ENPP3: variants seen among roughly 807,000 people sequenced by gnomAD.
The protein encoded by ENPP3 is ectonucleotide pyrophosphatase/phosphodiesterase 3.
Under a neutral mutation model 117.8 loss-of-function variants are expected in ENPP3, and 104 were observed. The ratio of observed to expected loss-of-function variants is 0.88; its 90% CI spans 0.75 to 1.04. The LOEUF (loss-of-function observed/expected upper bound fraction) is 1.04, where lower values mean the gene tolerates loss of function less well. Ranked by LOEUF, ENPP3 falls within the 50% of genes least tolerant of loss-of-function variation. The pLI is 0.00. For synonymous variants in ENPP3, 380 were observed against 349.9 expected (o/e 1.09, Z -0.96); for missense variants, 1,026 against 1,051.9 (o/e 0.98, Z 0.34).
intron 7 of ENPP3, among the ~76,000 whole-genome samples, chr6:131,672,488 A>G (rs1778765987): frequency 6.6e-6 from 1 of 152,140 alleles, no homozygotes; most frequent in Non-Finnish European, 1.5e-5. Flanking sequence ...TGTGACTTTA[A>G]ACAAAAACAC....
intron 8 of ENPP3, among the ~76,000 whole-genome samples, chr6:131,674,786 G>T (rs1022096742): frequency 6.6e-6 from 1 of 151,902 alleles, no homozygotes; most frequent in African/African-American, 2.4e-5. Context: ...TGGCCGGGAT[G>T]ATCTCTATCT....
At chr6:131,720,575 A>C (rs1415248473) in intron 17 of ENPP3, among the ~76,000 whole-genome samples, 196 bp downstream of exon 17, 1 of 152,116 alleles carries the variant, frequency 6.6e-6, no homozygotes, top group Non-Finnish European at 1.5e-5. Flanking sequence ...TTTTACTAGT[A>C]ATGATAAACT....
chr6:131,694,934 C>A (rs1779371225), intron 15 of ENPP3, among the ~76,000 whole-genome samples: 1 of 151,448 alleles, frequency 6.6e-6, no homozygotes, highest in Non-Finnish European at 1.5e-5. Context: ...CTCCAACATT[C>A]AGGATCAGGA....
At chr6:131,683,482 C>G (rs1325236768) in intron 12 of ENPP3, among the ~76,000 whole-genome samples, 4 of 151,996 alleles carry the variant, frequency 2.6e-5, no homozygotes, top group Non-Finnish European at 5.9e-5. Context: ...AGCCATGATT[C>G]GTTTATGTAG....
At chr6:131,720,926 A>G (rs538997999) in intron 17 of ENPP3, among the ~76,000 whole-genome samples, 215 of 152,260 alleles carry the variant, frequency 1.4e-3, no homozygotes, top group Non-Finnish European at 2.6e-3. Flanking sequence ...AACCTTTTCT[A>G]TTAGTTAGTT....
chr6:131,656,316 A>T (rs553564135), intron 5 of ENPP3, among the ~76,000 whole-genome samples: 75 of 152,350 alleles, frequency 4.9e-4, no homozygotes, highest in African/African-American at 1.6e-3. Flanking sequence ...TCGGAGAAAT[A>T]AAAATGAAAA....
intron 6 of ENPP3, among the ~76,000 whole-genome samples, chr6:131,670,144 C>T (rs1270510373): frequency 6.6e-6 from 1 of 152,182 alleles, no homozygotes; most frequent in East Asian, 1.9e-4. Context: ...GGAAACTTCC[C>T]TGGTCTAATG....
chr6:131,662,447 G>T (rs1034572328), intron 6 of ENPP3, among the ~76,000 whole-genome samples: 1 of 152,076 alleles, frequency 6.6e-6, no homozygotes, highest in Non-Finnish European at 1.5e-5. Flanking sequence ...TTGCCATGTT[G>T]TCCAGGCTGG....
chr6:131,724,309 T>A (rs184532683), intron 19 of ENPP3, among the ~76,000 whole-genome samples: 107 of 151,484 alleles, frequency 7.1e-4, no homozygotes, highest in Middle Eastern at 3.4e-3. Flanking sequence ...CAAAACGAAT[T>A]CCTTGAAGAG....
At position 131,675,183 on chromosome 6, in the gene ENPP3, A is replaced by T. The variant is rs1180321522; in HGVS notation, c.866A>T (p.Tyr289Phe). ...NGSFPSIYMP[Y>F]NGSVPFEERI... is the part of the protein sequence containing the mutation. ...TCCTTTCCTTCCATATACATGCCTT[A>T]CAACGGGTAGTGAAGCACTTTCAGA... The change falls in exon 9 of 25, where the codon TAC (tyrosine) becomes TTC (phenylalanine). Residue 289 changes from tyrosine (Y) to phenylalanine (F), a missense_variant. Tyr to Phe is a conservative substitution (Grantham distance 22, BLOSUM62 3). Coordinates refer to ENST00000357639, the MANE Select transcript of ENPP3 (RefSeq NM_005021.5). The T allele has an allele frequency of 6.4e-7, 1 of 1,569,790 alleles. No homozygotes were observed. The highest frequency in any genetic ancestry group is 1.1e-5 in the South Asian group (1 of 90,088).
intron 14 of ENPP3, among the ~76,000 whole-genome samples, chr6:131,691,235 T>A (rs2114443872): frequency 6.6e-6 from 1 of 152,232 alleles, no homozygotes; most frequent in Admixed American, 6.5e-5. Context: ...GTGGCAACTT[T>A]TTAAGTTCTG....
chr6:131,669,744 A>G (rs1778700798), intron 6 of ENPP3, among the ~76,000 whole-genome samples: 1 of 151,250 alleles, frequency 6.6e-6, no homozygotes, highest in Admixed American at 6.6e-5. Flanking sequence ...TCCAATCCCC[A>G]TCAGAGAATC....
At chr6:131,676,703 T>C (rs1390220724) in intron 9 of ENPP3, 33 bp from the exon 10 acceptor site, 1 of 1,375,928 alleles carries the variant, frequency 7.3e-7, no homozygotes, top group South Asian at 1.2e-5. Flanking sequence ...ATTTGATTCA[T>C]TTTAAAGAAT....
chr6:131,644,722 G>A (rs1325706507), intron 2 of ENPP3, among the ~76,000 whole-genome samples: 1 of 152,178 alleles, frequency 6.6e-6, no homozygotes, highest in Non-Finnish European at 1.5e-5. Flanking sequence ...AGCTTTAGAG[G>A]TGAAGTCCTG....
intron 23 of ENPP3, 36 bp downstream of exon 23, chr6:131,738,199 C>T: frequency 6.4e-7 from 1 of 1,561,428 alleles, no homozygotes; most frequent in South Asian, 1.1e-5. Flanking sequence ...TCAATAGGGT[C>T]TCATGAGGGG....
At chr6:131,685,953 G>T in intron 14 of ENPP3, 46 bp downstream of exon 14, 2 of 604,532 alleles carry the variant, frequency 3.3e-6, no homozygotes, top group South Asian at 4.0e-5. Flanking sequence ...TTAATGCAAT[G>T]ACCTTAATCT....
chr6:131,693,160 A>C (rs1289043205), intron 14 of ENPP3, among the ~76,000 whole-genome samples: 2 of 149,322 alleles, frequency 1.3e-5, no homozygotes, highest in Non-Finnish European at 3.0e-5. Context: ...AACTGAAAAC[A>C]TTAACTCATA....
intron 7 of ENPP3, among the ~76,000 whole-genome samples, chr6:131,672,160 A>G (rs1254298163): frequency 1.3e-5 from 2 of 152,208 alleles, no homozygotes; most frequent in Non-Finnish European, 2.9e-5. Flanking sequence ...AGAAGCACAA[A>G]AAGTTGAGTT....
At chr6:131,735,594 T>C (rs1780379084) in intron 21 of ENPP3, among the ~76,000 whole-genome samples, 1 of 152,132 alleles carries the variant, frequency 6.6e-6, no homozygotes, top group Non-Finnish European at 1.5e-5. Context: ...GCCTTAATAG[T>C]AATTAAAAAA....
Sources: gnomAD v4.1 joint callset for allele counts (sites outside exome capture counted in the v4.1 genomes callset) on GRCh38, gnomAD v4.1.1 for gene constraint, MANE v1.5 for transcripts, NCBI Gene and HGNC (gene_info 2026-07-23, HGNC 2026-07-21) for gene names.